The following IGF2BP3 variants were observed in gnomAD, a reference collection of about 807,000 sequenced individuals.
IGF2BP3 encodes insulin like growth factor 2 mRNA binding protein 3.
In IGF2BP3, 9 loss-of-function variants were observed where a neutral mutation model predicts 73.8. The ratio of observed to expected loss-of-function variants is 0.12; its 90% CI spans 0.07 to 0.21. IGF2BP3 has a LOEUF of 0.21. Ranked by LOEUF, IGF2BP3 falls within the 10% of genes least tolerant of loss-of-function variation. The pLI, the probability that IGF2BP3 is intolerant of heterozygous loss-of-function variation, is 1.00. For missense variants in IGF2BP3, 542 were observed against 714.0 expected (o/e 0.76, Z 2.75); for synonymous variants, 258 against 256.7 (o/e 1.01, Z -0.05).
chr7:23,374,200 G>C (rs1023339331), intron 3 of IGF2BP3, among the ~76,000 whole-genome samples: 4 of 152,138 alleles, frequency 2.6e-5, no homozygotes, highest in African/African-American at 4.8e-5. Flanking sequence ...ATTCAAAATA[G>C]CCAATAATTG....
chr7:23,351,695 C>G (rs1784966841), intron 5 of IGF2BP3, 109 bp from the exon 6 acceptor site: 1 of 1,174,468 alleles, frequency 8.5e-7, no homozygotes, highest in Non-Finnish European at 1.2e-6. Context: ...CTCTAAACTT[C>G]TGAGTGAAGC....
At chr7:23,441,574 T>TAAAAAA (rs769391858) in intron 2 of IGF2BP3, among the ~76,000 whole-genome samples, 1 of 56,956 alleles carries the variant, frequency 1.8e-5, no homozygotes, top group Non-Finnish European at 3.2e-5. Context: ...CTCCATCTCT[T>TAAAAAA]AAAAAAAAAA....
chr7:23,421,719 T>A (rs902935481), intron 2 of IGF2BP3, among the ~76,000 whole-genome samples: 1 of 150,884 alleles, frequency 6.6e-6, no homozygotes, highest in African/African-American at 2.4e-5. Context: ...GTGCTCACAC[T>A]GTATTTACCT....
intron 10 of IGF2BP3, among the ~76,000 whole-genome samples, chr7:23,329,521 T>C (rs890926517): frequency 1.3e-5 from 2 of 152,340 alleles, no homozygotes. Flanking sequence ...AATTGGTAAA[T>C]ATTAAATTCC....
chr7:23,468,119 G>A (rs772856228), intron 2 of IGF2BP3, among the ~76,000 whole-genome samples: 1 of 152,188 alleles, frequency 6.6e-6, no homozygotes, highest in African/African-American at 2.4e-5. Flanking sequence ...GCTCCTGGAG[G>A]GGTGGGGGAA....
At chr7:23,466,949 A>ATAATTC (rs1788579573) in intron 2 of IGF2BP3, among the ~76,000 whole-genome samples, 1 of 152,252 alleles carries the variant, frequency 6.6e-6, no homozygotes, top group Non-Finnish European at 1.5e-5. Flanking sequence ...CTGACCAAAC[A>ATAATTC]TAATAACAAT....
chr7:23,454,149 T>C (rs1252723283), intron 2 of IGF2BP3, among the ~76,000 whole-genome samples: 1 of 152,200 alleles, frequency 6.6e-6, no homozygotes, highest in Non-Finnish European at 1.5e-5. Context: ...GACTGACTTT[T>C]CAGCTGTGCC....
chr7:23,391,245 G>A (rs372464623), intron 3 of IGF2BP3, among the ~76,000 whole-genome samples: 18 of 151,922 alleles, frequency 1.2e-4, no homozygotes, highest in African/African-American at 3.4e-4. Flanking sequence ...GATTACAGGC[G>A]TGTGCCACTA....
intron 12 of IGF2BP3, among the ~76,000 whole-genome samples, chr7:23,315,466 A>C (rs1783959832): frequency 6.6e-6 from 1 of 152,150 alleles, no homozygotes; most frequent in Admixed American, 6.5e-5. Context: ...GCAACTATAT[A>C]AACAACCTAT....
At chr7:23,384,044 C>A (rs1212117379) in intron 3 of IGF2BP3, among the ~76,000 whole-genome samples, 2 of 141,032 alleles carry the variant, frequency 1.4e-5, no homozygotes, top group Non-Finnish European at 1.5e-5. Context: ...TGCAGTGAGC[C>A]GAGATTGTGC....
chr7:23,469,858 C>G lies in IGF2BP3; in HGVS notation c.175+78G>C. Reference sequence around the variant, plus strand: ...CCCCCAGCGCGCCGGGCCTGGGGCCCGCGGAGCCACCCGGTGGGCCTGGGC... The same window carrying G: ...CCCCCAGCGCGCCGGGCCTGGGGCCGGCGGAGCCACCCGGTGGGCCTGGGC... On this transcript the variant is annotated intron_variant, in intron 1 of 14. Transcript: ENST00000258729. The surrounding 1 kb of genome is among the most constrained non-coding windows in gnomAD (Gnocchi z 6.1). 9.3e-7 allele frequency: 1 copy of G among 1,070,026 alleles called. No homozygotes were observed. The highest frequency in any genetic ancestry group is 3.8e-5 in the South Asian group (1 of 26,490). 66.3% of individuals were successfully genotyped at this position (1,070,026 alleles called of 1,614,324 possible). A position where few individuals can be genotyped will look rare whatever the true frequency, so the allele number is the denominator to read the frequency against.
At chr7:23,337,860 A>C (rs1784611975) in intron 10 of IGF2BP3, among the ~76,000 whole-genome samples, 1 of 152,144 alleles carries the variant, frequency 6.6e-6, no homozygotes, top group African/African-American at 2.4e-5. Flanking sequence ...TGTTGGCTGG[A>C]AACAGACCCA....
chr7:23,401,112 T>A (rs1430090754), intron 3 of IGF2BP3, among the ~76,000 whole-genome samples: 2 of 152,164 alleles, frequency 1.3e-5, no homozygotes, highest in Non-Finnish European at 2.9e-5. Context: ...CCCTAATTGT[T>A]AAACCATGAT....
intron 10 of IGF2BP3, among the ~76,000 whole-genome samples, chr7:23,337,826 C>T (rs1269413484): frequency 1.3e-5 from 2 of 152,196 alleles, no homozygotes; most frequent in African/African-American, 2.4e-5. Context: ...TCTGTCACCA[C>T]ATCCAGCAAT....
chr7:23,437,132 C>CA (rs1240766978), intron 2 of IGF2BP3, among the ~76,000 whole-genome samples: 1 of 151,428 alleles, frequency 6.6e-6, no homozygotes, highest in African/African-American at 2.4e-5. Flanking sequence ...AAAAACAAAA[C>CA]AAAAAAGCAA....
rs866023665 is a variant in IGF2BP3 at position 23,468,360 on chromosome 7, G to A, written c.236+122C>T. ...CATAAACTTAAAAGCAAGGATTAAA[G>A]ACCGGAACACCACGCCACACGGCAG... On this transcript the variant is annotated intron_variant, in intron 2 of 14. Coordinates refer to ENST00000258729, the MANE Select transcript of IGF2BP3 (RefSeq NM_006547.3). The A allele has an allele frequency of 9.3e-6, 9 of 970,014 alleles. 1 individual carries two copies. The African/African-American group carries it at 9.6e-5, about 10-fold the overall frequency. 60.1% of individuals were successfully genotyped at this position (970,014 alleles called of 1,614,324 possible). A position where few individuals can be genotyped will look rare whatever the true frequency, so the allele number is the denominator to read the frequency against.
At position 23,312,273 on chromosome 7, in the gene IGF2BP3, T is replaced by A. The variant is rs1783852877; in HGVS notation, c.*89A>T. The stretch of plus-strand genomic sequence containing the variant: ...CTAGGTAAAAACTTGTGCATGTGAT[T>A]CTGGATAGGGGGTCAGCGCCCATCT... On this transcript the variant is annotated 3_prime_UTR_variant, in exon 15 of 15. Transcript: ENST00000258729. 1.0e-6 allele frequency: 1 copy of A among 964,594 alleles called. No homozygotes were observed. The highest frequency in any genetic ancestry group is 1.6e-5 in the African/African-American group (1 of 61,174). The allele number at this position is 964,594 out of a possible 1,614,324, so 59.8% of individuals were successfully genotyped here. A position where few individuals can be genotyped will look rare whatever the true frequency, so the allele number is the denominator to read the frequency against.
chr7:23,377,805 T>C (rs778741583), intron 3 of IGF2BP3, among the ~76,000 whole-genome samples: 193 of 152,332 alleles, frequency 1.3e-3, no homozygotes, highest in Middle Eastern at 3.4e-3. Flanking sequence ...AAAATCTGGC[T>C]GCACCTTGAA....
At chr7:23,408,038 T>A (rs966257006) in intron 3 of IGF2BP3, among the ~76,000 whole-genome samples, 9 of 151,850 alleles carry the variant, frequency 5.9e-5, no homozygotes, top group Admixed American at 2.0e-4. Context: ...GAAAAAGCAT[T>A]TGAAACAATC....
Sources: allele counts gnomAD v4.1 joint callset (sites outside exome capture counted in the v4.1 genomes callset), GRCh38; gene constraint gnomAD v4.1.1; non-coding constraint Gnocchi (gnomAD v3.1); transcripts MANE v1.5; gene names NCBI Gene and HGNC (gene_info 2026-07-23, HGNC 2026-07-21).